The following DAB1 variants were observed in gnomAD, a reference collection of about 807,000 sequenced individuals.
DAB1 encodes the protein DAB adaptor protein 1.
Under a neutral mutation model 64.6 loss-of-function variants are expected in DAB1, and 15 were observed. That is an observed-to-expected ratio of 0.23 (90% CI 0.16 to 0.36). The LOEUF is 0.36. Among genes scored for constraint, DAB1 ranks in the 10% least tolerant of loss-of-function variants. The pLI is 1.00. For missense variants in DAB1, 596 were observed against 706.7 expected, an observed-to-expected ratio of 0.84 and a Z score of 1.78; for synonymous variants, 235 against 251.9, an observed-to-expected ratio of 0.93 and a Z score of 0.64.
intron 6 of DAB1, among the ~76,000 whole-genome samples, chr1:57,813,370 T>C (rs1651714907): frequency 6.6e-6 from 1 of 152,204 alleles, no homozygotes; most frequent in South Asian, 2.1e-4. Flanking sequence ...AAAGACTCAT[T>C]CATCATCATA....
At chr1:57,699,986 C>T (rs1646889023) in intron 6 of DAB1, among the ~76,000 whole-genome samples, 1 of 152,048 alleles carries the variant, frequency 6.6e-6, no homozygotes, top group Non-Finnish European at 1.5e-5. Context: ...ATGATTATCC[C>T]TTCTCCACTG....
At chr1:58,329,163 G>A (rs1279921171) in intron 4 of DAB1, among the ~76,000 whole-genome samples, 1 of 152,152 alleles carries the variant, frequency 6.6e-6, no homozygotes, top group African/African-American at 2.4e-5. Flanking sequence ...ATGTAGATAA[G>A]CAAAGGAATA....
chr1:58,307,302 C>A (rs1325640863), intron 4 of DAB1, among the ~76,000 whole-genome samples: 1 of 152,150 alleles, frequency 6.6e-6, no homozygotes, highest in East Asian at 1.9e-4. Flanking sequence ...CTGTTAGACA[C>A]TGAAAGCCTG....
At chr1:58,169,627 T>C (rs1300052426) in intron 4 of DAB1, among the ~76,000 whole-genome samples, 2 of 152,158 alleles carry the variant, frequency 1.3e-5, no homozygotes, top group Admixed American at 6.5e-5. Flanking sequence ...TGTCCAAGCT[T>C]TCTTTTCATT....
At chr1:58,418,000 C>T (rs554769111) in intron 3 of DAB1, among the ~76,000 whole-genome samples, 36 of 152,270 alleles carry the variant, frequency 2.4e-4, no homozygotes, top group Admixed American at 2.2e-3. Flanking sequence ...ACTAGGTGAT[C>T]CCTTCACTCT....
At chr1:58,375,852 ATT>A (rs1268393700) in intron 3 of DAB1, among the ~76,000 whole-genome samples, 2 of 145,978 alleles carry the variant, frequency 1.4e-5, no homozygotes, top group Admixed American at 6.8e-5. Context: ...TATTGCCACA[ATT>A]TCAGCTCCTG....
chr1:58,292,938 C>T (rs4912186), intron 4 of DAB1, among the ~76,000 whole-genome samples: 97,476 of 152,018 alleles, frequency 0.64, 33,055 homozygotes, highest in East Asian at 0.85. Flanking sequence ...ACCGAGATCA[C>T]ATTCTAAAAT....
intron 3 of DAB1, among the ~76,000 whole-genome samples, chr1:58,381,294 G>A (rs761421352): frequency 4.6e-5 from 7 of 151,716 alleles, no homozygotes; most frequent in African/African-American, 9.7e-5. Flanking sequence ...ATGTATCCCC[G>A]AACTTAAAAT....
intron 2 of DAB1, among the ~76,000 whole-genome samples, chr1:57,246,741 G>T (rs2100500997): frequency 6.6e-6 from 1 of 152,348 alleles, no homozygotes; most frequent in East Asian, 1.9e-4. Flanking sequence ...ATATCCTGCA[G>T]CGCTCCAGGG....
chr1:58,063,520 A>G (rs111887394), intron 5 of DAB1, among the ~76,000 whole-genome samples: 1 of 152,186 alleles, frequency 6.6e-6, no homozygotes, highest in African/African-American at 2.4e-5. Context: ...AATTAAGCTC[A>G]TGGAGTAGAA....
chr1:57,357,165 C>A (rs1354821254), intron 1 of DAB1, among the ~76,000 whole-genome samples: 1 of 152,034 alleles, frequency 6.6e-6, no homozygotes, highest in African/African-American at 2.4e-5. Flanking sequence ...GACAATTTAA[C>A]ATAAACACAT....
intron 1 of DAB1, among the ~76,000 whole-genome samples, chr1:57,384,217 G>A (rs908084808): frequency 6.6e-6 from 1 of 152,118 alleles, no homozygotes; most frequent in Non-Finnish European, 1.5e-5. Flanking sequence ...TGTTAGGATG[G>A]CTGCTATAAA....
At chr1:57,885,303 T>C (rs930932106), upstream of DAB1, among the ~76,000 whole-genome samples, 6 of 152,188 alleles carry the variant, frequency 3.9e-5, no homozygotes, top group Non-Finnish European at 5.9e-5. Flanking sequence ...AACAGAAGTA[T>C]AGAGAATGTA....
intron 3 of DAB1, among the ~76,000 whole-genome samples, chr1:58,398,337 T>C (rs970829035): frequency 1.3e-5 from 2 of 152,214 alleles, no homozygotes; most frequent in East Asian, 3.8e-4. Context: ...CCCACCAACC[T>C]ACCTTGCTAC....
At chr1:57,406,173 T>C (rs1048551733) in intron 1 of DAB1, among the ~76,000 whole-genome samples, 84 of 152,338 alleles carry the variant, frequency 5.5e-4, no homozygotes, top group African/African-American at 1.9e-3. Context: ...AGGGCAGCTA[T>C]TGTTTCCATC....
intron 4 of DAB1, among the ~76,000 whole-genome samples, chr1:58,158,656 T>C (rs1270614822): frequency 6.6e-6 from 1 of 152,170 alleles, no homozygotes; most frequent in Non-Finnish European, 1.5e-5. Flanking sequence ...AAGCTGAGAA[T>C]GGGAAAGTAG....
At chr1:57,464,770 C>T (rs1686900287) in intron 7 of DAB1, among the ~76,000 whole-genome samples, 1 of 152,086 alleles carries the variant, frequency 6.6e-6, no homozygotes, top group Non-Finnish European at 1.5e-5. Flanking sequence ...TGGTGAATTG[C>T]ACTAGTTATC....
At chr1:58,505,358 G>A (rs557343070) in intron 3 of DAB1, among the ~76,000 whole-genome samples, 10 of 152,276 alleles carry the variant, frequency 6.6e-5, no homozygotes, top group African/African-American at 2.4e-4. Flanking sequence ...TTTAATACAA[G>A]TGAGATAGAA....
intron 2 of DAB1, among the ~76,000 whole-genome samples, chr1:58,511,178 T>C (rs556299551): frequency 6.6e-6 from 1 of 152,274 alleles, no homozygotes; most frequent in Non-Finnish European, 1.5e-5. Context: ...AAAGCAATCT[T>C]GAAAAAGAGT....
Sources: allele counts gnomAD v4.1 joint callset (sites outside exome capture counted in the v4.1 genomes callset), GRCh38; gene constraint gnomAD v4.1.1; transcripts MANE v1.5; gene names NCBI Gene and HGNC (gene_info 2026-07-23, HGNC 2026-07-21).